PLEKHA5: variants seen among roughly 807,000 people sequenced by gnomAD.
PLEKHA5 encodes the protein pleckstrin homology domain containing A5, also known as pleckstrin homology domain-containing family A member 5.
PLEKHA5 carries 55 observed loss-of-function variants against 181.9 expected under a neutral mutation model. That is an observed-to-expected ratio of 0.30 (90% CI 0.24 to 0.38). The LOEUF is 0.38. Among genes scored for constraint, PLEKHA5 ranks in the 10% least tolerant of loss-of-function variants. PLEKHA5 has a pLI of 1.00. For missense variants in PLEKHA5, 1,432 were observed against 1,549.5 expected (o/e 0.92, Z 1.27); for synonymous variants, 535 against 529.4 (o/e 1.01, Z -0.15).
chr12:19,296,878 C>T (rs2079957413), intron 15 of PLEKHA5, among the ~76,000 whole-genome samples: 1 of 152,188 alleles, frequency 6.6e-6, no homozygotes, highest in African/African-American at 2.4e-5. Flanking sequence ...ACGTGTTTCC[C>T]TCCATATTCC....
At chr12:19,229,808 G>A (rs1034104427) in intron 3 of PLEKHA5, among the ~76,000 whole-genome samples, 2 of 152,138 alleles carry the variant, frequency 1.3e-5, no homozygotes, top group Non-Finnish European at 2.9e-5. Flanking sequence ...GTTTTACAGA[G>A]AGCTGATTGG....
intron 11 of PLEKHA5, 122 bp from the exon 12 acceptor site, chr12:19,283,149 CAAAAAAAAA>C (rs34391812): frequency 3.4e-4 from 69 of 204,088 alleles, no homozygotes; most frequent in South Asian, 2.9e-3. Context: ...TCTTGTCTCC[CAAAAAAAAA>C]AAAAAAAAAA....
At chr12:19,250,360 G>A (rs2064948782) in intron 3 of PLEKHA5, among the ~76,000 whole-genome samples, 3 of 152,174 alleles carry the variant, frequency 2.0e-5, no homozygotes, top group Non-Finnish European at 4.4e-5. Context: ...CAAGGCGGGT[G>A]GATCGCGTGA....
At chr12:19,330,449 G>A (rs1033800243) in intron 20 of PLEKHA5, among the ~76,000 whole-genome samples, 6 of 151,980 alleles carry the variant, frequency 3.9e-5, no homozygotes, top group East Asian at 1.9e-4. Context: ...ATAATAAAAC[G>A]TAAACATCTT....
intron 3 of PLEKHA5, among the ~76,000 whole-genome samples, chr12:19,221,040 C>T (rs2058857005): frequency 6.6e-6 from 1 of 152,114 alleles, no homozygotes; most frequent in South Asian, 2.1e-4. Context: ...TCAACAGGAG[C>T]TCTTATTCAT....
intron 12 of PLEKHA5, among the ~76,000 whole-genome samples, chr12:19,286,907 A>AGTGAGCTGAGATCTTGCC (rs1419195687): frequency 6.6e-6 from 1 of 150,444 alleles, no homozygotes; most frequent in Non-Finnish European, 1.5e-5. Flanking sequence ...TGGAGGTTGC[A>AGTGAGCTGAGATCTTGCC]GTGAGCTGAG....
At chr12:19,144,519 C>T (rs2151185446) in intron 3 of PLEKHA5, among the ~76,000 whole-genome samples, 1 of 152,248 alleles carries the variant, frequency 6.6e-6, no homozygotes, top group South Asian at 2.1e-4. Flanking sequence ...CCCATGTGGT[C>T]CTGGTTGATG....
chr12:19,324,439 T>G (rs939357073), intron 20 of PLEKHA5, among the ~76,000 whole-genome samples: 2 of 152,214 alleles, frequency 1.3e-5, no homozygotes, highest in African/African-American at 4.8e-5. Context: ...AAACTATGTC[T>G]CATTCACATT....
chr12:19,306,348 T>A (rs2083541546), intron 15 of PLEKHA5: 2 of 442,282 alleles, frequency 4.5e-6, no homozygotes, highest in Non-Finnish European at 8.9e-6. Flanking sequence ...CCGTTTGTTT[T>A]CTCGTGCTCT....
At chr12:19,254,124 T>A (rs1276838357) in intron 4 of PLEKHA5, 101 bp downstream of exon 4, 1 of 738,616 alleles carries the variant, frequency 1.4e-6, no homozygotes, top group Admixed American at 2.5e-5. Context: ...ATCTGGACAT[T>A]TGTAGTCAAG....
At chr12:19,272,184 A>G (rs1028120412) in intron 10 of PLEKHA5, among the ~76,000 whole-genome samples, 2 of 152,276 alleles carry the variant, frequency 1.3e-5, no homozygotes, top group Non-Finnish European at 2.9e-5. Flanking sequence ...ATCTAAGTAT[A>G]ATATGGATTC....
intron 3 of PLEKHA5, among the ~76,000 whole-genome samples, chr12:19,202,749 C>A (rs1455425892): frequency 2.0e-5 from 3 of 152,084 alleles, no homozygotes; most frequent in African/African-American, 7.2e-5. Flanking sequence ...CATTTCCAGT[C>A]TTGCTCCTCT....
chr12:19,350,885 T>C (rs1376413543), intron 25 of PLEKHA5, among the ~76,000 whole-genome samples: 1 of 152,022 alleles, frequency 6.6e-6, no homozygotes, highest in Non-Finnish European at 1.5e-5. Context: ...TTAAAAATAC[T>C]GGCATCTTGA....
At chr12:19,301,329 C>T (rs568017877) in intron 15 of PLEKHA5, among the ~76,000 whole-genome samples, 1 of 152,124 alleles carries the variant, frequency 6.6e-6, no homozygotes, top group South Asian at 2.1e-4. Context: ...CAATTTCAAA[C>T]CTTATGTTCA....
chr12:19,346,584 T>C (rs2094346067), intron 23 of PLEKHA5, among the ~76,000 whole-genome samples: 1 of 152,158 alleles, frequency 6.6e-6, no homozygotes, highest in African/African-American at 2.4e-5. Flanking sequence ...TGCAGTGAGC[T>C]ATGTATGATC....
intron 29 of PLEKHA5, among the ~76,000 whole-genome samples, chr12:19,363,127 T>TG (rs899450192): frequency 2.0e-5 from 3 of 150,946 alleles, no homozygotes; most frequent in African/African-American, 4.8e-5. Context: ...TTTTTGTTTT[T>TG]TTTTTGTTGT....
chr12:19,341,813 A>G (rs1015415142), intron 21 of PLEKHA5, among the ~76,000 whole-genome samples: 116 of 151,970 alleles, frequency 7.6e-4, no homozygotes, highest in Non-Finnish European at 2.1e-4. Flanking sequence ...GCTCACTGCA[A>G]CCTCTTCCCC....
At chr12:19,174,500 T>G (rs1204772204) in intron 3 of PLEKHA5, among the ~76,000 whole-genome samples, 1 of 152,202 alleles carries the variant, frequency 6.6e-6, no homozygotes, top group Non-Finnish European at 1.5e-5. Context: ...TAATAACCAG[T>G]TATTTCATTT....
At chr12:19,165,505 T>C (rs2044136926) in intron 3 of PLEKHA5, among the ~76,000 whole-genome samples, 1 of 152,114 alleles carries the variant, frequency 6.6e-6, no homozygotes, top group African/African-American at 2.4e-5. Context: ...GTAGGAACTT[T>C]TTATGTTATG....
Sources: gnomAD v4.1 joint callset for allele counts (sites outside exome capture counted in the v4.1 genomes callset) on GRCh38, gnomAD v4.1.1 for gene constraint, MANE v1.5 for transcripts, NCBI Gene and HGNC (gene_info 2026-07-23, HGNC 2026-07-21) for gene names.